LPCAT3: variants seen among roughly 807,000 people sequenced by gnomAD.
The protein encoded by LPCAT3 is lysophosphatidylcholine acyltransferase 3, also known as lysophospholipid acyltransferase 5.
Under a neutral mutation model 63.4 loss-of-function variants are expected in LPCAT3, and 21 were observed. The observed-to-expected ratio is 0.33, with a 90% confidence interval of 0.23 to 0.48. The LOEUF (loss-of-function observed/expected upper bound fraction) is 0.48, where lower values mean the gene tolerates loss of function less well. LPCAT3 is among the 20% of genes least tolerant of loss of function. The pLI is 0.99. For synonymous variants in LPCAT3, 242 were observed against 227.5 expected, an observed-to-expected ratio of 1.06 and a Z score of -0.58; for missense variants, 451 against 590.6, an observed-to-expected ratio of 0.76 and a Z score of 2.45.
At chr12:6,994,037 A>G (rs994062604) in intron 1 of LPCAT3, among the ~76,000 whole-genome samples, 1 of 152,188 alleles carries the variant, frequency 6.6e-6, no homozygotes, top group African/African-American at 2.4e-5. Context: ...GGGTCTCACT[A>G]TGTTGCCTAG....
At chr12:7,016,099 A>ATT (rs1201316145) in intron 1 of LPCAT3, among the ~76,000 whole-genome samples, 3 of 143,544 alleles carry the variant, frequency 2.1e-5, no homozygotes, top group Non-Finnish European at 1.5e-5. Flanking sequence ...ATGTAATACA[A>ATT]TTTTTTTTTT....
At chr12:6,998,660 G>C (rs781838663) in intron 1 of LPCAT3, among the ~76,000 whole-genome samples, 1 of 152,320 alleles carries the variant, frequency 6.6e-6, no homozygotes, top group East Asian at 1.9e-4. Flanking sequence ...AGCACTTGTA[G>C]ATCATGGACA....
rs781904623 is a variant in LPCAT3 at position 6,976,340 on chromosome 12, C to G, written c.*564G>C. 1.9e-4 allele frequency: 29 copies of G among 154,166 alleles called. No individual in the cohort carries two copies. Among genetic ancestry groups the G allele is most frequent in the African/African-American group, 6.7e-4 (28 of 41,552 alleles). The allele number at this position is 154,166 out of a possible 1,614,324, so 9.5% of individuals were successfully genotyped here. The stretch of plus-strand genomic sequence containing the variant: ...ATAGTAAATTGGCAGAAGAAAAACA[C>G]AATAGATTCCTGGCTAGATGGGGAG... On this transcript the variant is annotated 3_prime_UTR_variant, in exon 13 of 13. Transcript: ENST00000261407.
rs376044372 is a variant in LPCAT3 at position 7,018,383 on chromosome 12, C to T, written c.42G>A (p.Ala14=). 1 of 1,612,066 alleles carries T rather than the reference C, an allele frequency of 6.2e-7. No homozygotes were observed. Among genetic ancestry groups the T allele is most frequent in the African/African-American group, 1.3e-5 (1 of 74,914 alleles). Residue 14 remains alanine, a synonymous_variant, in exon 1 of 13, where the codon GCG becomes GCA. Transcript: ENST00000261407. This position sits in a 1 kb window ranked among gnomAD's most constrained non-coding sequence, Gnocchi z 4.9. ...AACCCGACTGCAGAACCCCCGCCAG[C>T]GCCACCACAGTCCCCTCGTCCCCCT... ...SAEGDEGTVV[A]LAGVLQSGFQ...
chr12:6,993,393 C>T (rs1946606819), intron 1 of LPCAT3, among the ~76,000 whole-genome samples: 1 of 151,406 alleles, frequency 6.6e-6, no homozygotes, highest in Admixed American at 6.6e-5. Context: ...GAGATTGCGC[C>T]ACTGCACTCC....
Sources: gnomAD v4.1 joint callset for allele counts (sites outside exome capture counted in the v4.1 genomes callset) on GRCh38, gnomAD v4.1.1 for gene constraint, Gnocchi (gnomAD v3.1) non-coding constraint, MANE v1.5 for transcripts, NCBI Gene and HGNC (gene_info 2026-07-23, HGNC 2026-07-21) for gene names.